RAB6A: variants seen among roughly 807,000 people sequenced by gnomAD.
RAB6A encodes the protein ras-related protein Rab-6A.
A neutral mutation model predicts 32.3 loss-of-function variants in RAB6A; 8 were observed. The observed-to-expected ratio is 0.25, with a 90% CI of 0.15 to 0.45. The LOEUF (loss-of-function observed/expected upper bound fraction) is 0.45, where lower values mean the gene tolerates loss of function less well. RAB6A is among the 20% of genes least tolerant of loss of function. RAB6A has a pLI of 1.00. For missense variants in RAB6A, 104 were observed against 249.4 expected, an observed-to-expected ratio of 0.42 and a Z score of 3.93; for synonymous variants, 73 against 82.1, an observed-to-expected ratio of 0.89 and a Z score of 0.60.
intron 3 of RAB6A, among the ~76,000 whole-genome samples, chr11:73,720,528 G>A (rs1946119659): frequency 6.6e-6 from 1 of 151,842 alleles, no homozygotes; most frequent in African/African-American, 2.4e-5. Flanking sequence ...ATCCTATCCT[G>A]ACAAAAAAAA....
intron 1 of RAB6A, among the ~76,000 whole-genome samples, chr11:73,739,266 A>T (rs1444770983): frequency 9.5e-4 from 7 of 7,406 alleles, no homozygotes; most frequent in African/African-American, 2.3e-3. Context: ...TAATAATTAA[A>T]AAAAAAAAAA....
rs1946836176 is a variant in RAB6A, at chr11:73,760,953, C to T, written c.-318G>A. The T allele has an allele frequency of 3.3e-6, 1 of 305,990 alleles. No individual in the cohort carries two copies. The highest frequency in any genetic ancestry group is 5.8e-5 in the East Asian group (1 of 17,386). 19.0% of individuals were successfully genotyped at this position (305,990 alleles called of 1,614,324 possible). A position where few individuals can be genotyped will look rare whatever the true frequency, so the allele number is the denominator to read the frequency against. ...GTTCCCTCCTTCCGCACTCGGCTCCCAGACCTGGGGAAGAGAAGCTGAGGG... is the reference window on the plus strand; with the variant it reads ...GTTCCCTCCTTCCGCACTCGGCTCCTAGACCTGGGGAAGAGAAGCTGAGGG... On this transcript the variant is annotated 5_prime_UTR_variant, in exon 1 of 8. Coordinates refer to ENST00000336083, the MANE Select transcript of RAB6A (RefSeq NM_198896.2).
chr11:73,746,770 TAA>T (rs56703610), intron 1 of RAB6A, among the ~76,000 whole-genome samples: 96 of 135,228 alleles, frequency 7.1e-4, no homozygotes, highest in African/African-American at 1.6e-3. Context: ...CGAAATAAAT[TAA>T]AAAAAAAAAA....
At chr11:73,749,636 A>G (rs10898942) in intron 1 of RAB6A, among the ~76,000 whole-genome samples, 1 of 151,944 alleles carries the variant, frequency 6.6e-6, no homozygotes, top group African/African-American at 2.4e-5. Context: ...TCGAGGCCAG[A>G]GCATTGCTCA....
At chr11:73,757,098 CATATATATATATATATATATAT>C (rs1170100550) in intron 1 of RAB6A, among the ~76,000 whole-genome samples, 1 of 37,668 alleles carries the variant, frequency 2.7e-5, no homozygotes, top group Non-Finnish European at 4.5e-5. Flanking sequence ...AATATACATA[CATATATATATATATATATATAT>C]ATATATATAT....
intron 1 of RAB6A, among the ~76,000 whole-genome samples, chr11:73,732,842 T>C (rs763321812): frequency 6.6e-6 from 1 of 151,926 alleles, no homozygotes; most frequent in Non-Finnish European, 1.5e-5. Flanking sequence ...AGACGATGTC[T>C]TGCTCTGTCA....
chr11:73,706,092 A>G (rs1945837557), intron 6 of RAB6A, among the ~76,000 whole-genome samples: 1 of 152,256 alleles, frequency 6.6e-6, no homozygotes, highest in South Asian at 2.1e-4. Flanking sequence ...AATATTACTT[A>G]CATTATGATT....
chr11:73,715,121 T>C (rs1946033657), intron 5 of RAB6A, among the ~76,000 whole-genome samples: 1 of 152,164 alleles, frequency 6.6e-6, no homozygotes, highest in South Asian at 2.1e-4. Context: ...TTTTTGCAAC[T>C]GTACTACCAA....
intron 6 of RAB6A, among the ~76,000 whole-genome samples, chr11:73,686,714 A>G (rs1945462289): frequency 6.6e-6 from 1 of 152,182 alleles, no homozygotes; most frequent in Non-Finnish European, 1.5e-5. Context: ...TTAAATAATG[A>G]AAATAGGTTC....
intron 5 of RAB6A, among the ~76,000 whole-genome samples, chr11:73,713,859 G>A (rs577073859): frequency 3.3e-5 from 5 of 152,118 alleles, no homozygotes; most frequent in African/African-American, 9.6e-5. Context: ...TAATTTCAAC[G>A]CAACTGACAA....
chr11:73,686,016 G>C (rs1016260316), intron 6 of RAB6A, among the ~76,000 whole-genome samples: 1 of 151,772 alleles, frequency 6.6e-6, no homozygotes, highest in Admixed American at 6.6e-5. Context: ...CAATTCTGCA[G>C]TGAATTCTAG....
At chr11:73,700,584 A>G (rs1945724450) in intron 6 of RAB6A, among the ~76,000 whole-genome samples, 1 of 9,266 alleles carries the variant, frequency 1.1e-4, no homozygotes, top group South Asian at 3.7e-3. Context: ...ACCCTGTCTC[A>G]AAAAAAAAAA....
At chr11:73,714,395 C>G (rs899097322) in intron 5 of RAB6A, among the ~76,000 whole-genome samples, 1 of 152,014 alleles carries the variant, frequency 6.6e-6, no homozygotes, top group East Asian at 1.9e-4. Context: ...GGCGCGGTGA[C>G]TCACGCCTGT....
intron 2 of RAB6A, among the ~76,000 whole-genome samples, chr11:73,726,153 T>C (rs1946215462): frequency 6.6e-6 from 1 of 150,974 alleles, no homozygotes; most frequent in Non-Finnish European, 1.5e-5. Context: ...GGTGTGGTGG[T>C]GCGCATGTGT....
At chr11:73,755,591 C>A (rs950799025) in intron 1 of RAB6A, among the ~76,000 whole-genome samples, 2 of 152,132 alleles carry the variant, frequency 1.3e-5, no homozygotes, top group Non-Finnish European at 2.9e-5. Flanking sequence ...CCGCACCCGG[C>A]CTAAATGTTG....
chr11:73,726,563 CAG>C (rs1181362940), intron 2 of RAB6A, among the ~76,000 whole-genome samples: 1 of 108,788 alleles, frequency 9.2e-6, no homozygotes, highest in Non-Finnish European at 1.7e-5. Flanking sequence ...GCCTGGGTGA[CAG>C]AGTGAGACTC....
intron 2 of RAB6A, among the ~76,000 whole-genome samples, chr11:73,726,581 CAA>C (rs60281561): frequency 8.4e-4 from 25 of 29,852 alleles, no homozygotes; most frequent in African/African-American, 3.8e-3. Context: ...GACTCTGTCT[CAA>C]AAAAAAAAAA....
At chr11:73,731,719 TATATATATATATACAC>T (rs1237822250) in intron 1 of RAB6A, among the ~76,000 whole-genome samples, 410 of 11,014 alleles carry the variant, frequency 0.037, 19 homozygotes, top group African/African-American at 0.082. Flanking sequence ...TATATATATA[TATATATATATATACAC>T]ACACACACAC....
chr11:73,680,427 G>A (rs1254071209), intron 6 of RAB6A, among the ~76,000 whole-genome samples: 1 of 152,144 alleles, frequency 6.6e-6, no homozygotes, highest in East Asian at 1.9e-4. Flanking sequence ...GAGGCCAAGG[G>A]GTGTGGATCA....
Sources: gnomAD v4.1 joint callset for allele counts (sites outside exome capture counted in the v4.1 genomes callset) on GRCh38, gnomAD v4.1.1 for gene constraint, MANE v1.5 for transcripts, NCBI Gene and HGNC (gene_info 2026-07-23, HGNC 2026-07-21) for gene names.